SGCZ: variants seen among roughly 807,000 people sequenced by gnomAD.
SGCZ encodes the protein sarcoglycan zeta.
A neutral mutation model predicts 41.3 loss-of-function variants in SGCZ; 40 were observed. The observed-to-expected ratio is 0.97, with a 90% CI of 0.75 to 1.26. The LOEUF (loss-of-function observed/expected upper bound fraction) is 1.26. SGCZ is among the 50% of genes most tolerant of loss of function. SGCZ has a pLI of 0.00. For synonymous variants in SGCZ, 206 were observed against 137.5 expected, an observed-to-expected ratio of 1.50 and a Z score of -3.49; for missense variants, 552 against 369.8, an observed-to-expected ratio of 1.49 and a Z score of -4.04.
At chr8:14,586,558 CATTTTTAATTAAAAA>C (rs1805064538) in intron 1 of SGCZ, among the ~76,000 whole-genome samples, 1 of 152,048 alleles carries the variant, frequency 6.6e-6, no homozygotes, top group Non-Finnish European at 1.5e-5. Context: ...TCATTTTAAG[CATTTTTAATTAAAAA>C]ACAAATGAAA....
At chr8:15,151,033 TTCTA>T (rs1193704851) in intron 1 of SGCZ, among the ~76,000 whole-genome samples, 1 of 152,160 alleles carries the variant, frequency 6.6e-6, no homozygotes, top group Non-Finnish European at 1.5e-5. Context: ...CTATCTTACG[TTCTA>T]TCTCTTTCTC....
At position 15,037,131 on chromosome 8, in the gene SGCZ, T is replaced by C. The variant is rs149091405; in HGVS notation, c.39+200454A>G. ...GCTATATATGATGATGGGGTTTGGC[T>C]GTGTCCCCACACAAATCTCATCATG... is the stretch of plus-strand genomic sequence containing the variant. On this transcript the variant is annotated intron_variant, in intron 1 of 7. Transcript: ENST00000382080. Among the ~76,000 whole-genome samples, 4 of 152,288 alleles carry C rather than the reference T, an allele frequency of 2.6e-5. No individual in the cohort carries two copies. The East Asian group carries it at 7.7e-4, about 29-fold the overall frequency.
chr8:15,040,859 T>C (rs2083379048), intron 1 of SGCZ, among the ~76,000 whole-genome samples: 1 of 152,144 alleles, frequency 6.6e-6, no homozygotes, highest in Non-Finnish European at 1.5e-5. Flanking sequence ...GATGTACTGA[T>C]AAAACTGTGG....
chr8:14,932,398 C>CT (rs1351955699), intron 1 of SGCZ, among the ~76,000 whole-genome samples: 1 of 151,984 alleles, frequency 6.6e-6, no homozygotes, highest in African/African-American at 2.4e-5. Context: ...CAAAATGTCT[C>CT]TTTCATCATG....
intron 1 of SGCZ, among the ~76,000 whole-genome samples, chr8:15,093,742 G>A (rs567972480): frequency 5.9e-5 from 9 of 152,200 alleles, no homozygotes; most frequent in African/African-American, 2.2e-4. Flanking sequence ...GATTTATGAC[G>A]ATTTGACGAG....
intron 1 of SGCZ, among the ~76,000 whole-genome samples, chr8:15,217,603 A>C (rs1378832903): frequency 6.6e-6 from 1 of 152,170 alleles, no homozygotes; most frequent in Non-Finnish European, 1.5e-5. Context: ...TGCATACTTA[A>C]AAACGTGGAA....
chr8:14,960,458 A>T (rs1800927912), intron 1 of SGCZ, among the ~76,000 whole-genome samples: 2 of 152,054 alleles, frequency 1.3e-5, no homozygotes, highest in Non-Finnish European at 2.9e-5. Flanking sequence ...TGCCAGTCAG[A>T]TTTTCATAGG....
chr8:14,611,149 T>C (rs1441769760), intron 1 of SGCZ, among the ~76,000 whole-genome samples: 1 of 152,174 alleles, frequency 6.6e-6, no homozygotes, highest in Non-Finnish European at 1.5e-5. Flanking sequence ...TGAATATATT[T>C]CTCATTTTAC....
intron 2 of SGCZ, among the ~76,000 whole-genome samples, chr8:14,492,845 C>A (rs1801880129): frequency 6.6e-6 from 1 of 152,176 alleles, no homozygotes; most frequent in African/African-American, 2.4e-5. Context: ...CCTCTACCTA[C>A]ACCTGACATC....
chr8:14,870,449 G>C (rs979212689), intron 1 of SGCZ, among the ~76,000 whole-genome samples: 2 of 152,008 alleles, frequency 1.3e-5, no homozygotes, highest in African/African-American at 2.4e-5. Context: ...GTAAGATTAA[G>C]GACTTAAACA....
chr8:14,836,986 A>G (rs1436592667), intron 1 of SGCZ, among the ~76,000 whole-genome samples: 2 of 152,184 alleles, frequency 1.3e-5, no homozygotes, highest in Non-Finnish European at 2.9e-5. Context: ...ACCTTTTCAT[A>G]TATACTCAAA....
At chr8:14,131,178 T>C (rs919115180) in intron 5 of SGCZ, among the ~76,000 whole-genome samples, 2 of 152,130 alleles carry the variant, frequency 1.3e-5, no homozygotes, top group Non-Finnish European at 1.5e-5. Context: ...GAATCTCTAG[T>C]ATTAACCCAG....
chr8:14,929,252 A>G (rs571022611), intron 1 of SGCZ, among the ~76,000 whole-genome samples: 6 of 152,242 alleles, frequency 3.9e-5, no homozygotes, highest in East Asian at 3.9e-4. Flanking sequence ...CGGCCTCCCA[A>G]AGTACTGGGA....
At chr8:15,009,844 TTAA>T in intron 1 of SGCZ, among the ~76,000 whole-genome samples, 1 of 152,330 alleles carries the variant, frequency 6.6e-6, no homozygotes, top group East Asian at 1.9e-4. Flanking sequence ...TAAAATAATT[TTAA>T]TAATGTGTCA....
At chr8:14,208,322 T>C (rs936897005) in intron 4 of SGCZ, among the ~76,000 whole-genome samples, 13 of 152,206 alleles carry the variant, frequency 8.5e-5, no homozygotes, top group Admixed American at 2.6e-4. Context: ...ATTAATTGCA[T>C]TGATTTGAAG....
chr8:14,286,500 A>C (rs970510908), intron 3 of SGCZ, among the ~76,000 whole-genome samples: 1 of 152,154 alleles, frequency 6.6e-6, no homozygotes, highest in African/African-American at 2.4e-5. Context: ...AAGCGTGTTG[A>C]AGAGTGTTCT....
At chr8:14,215,574 GA>G (rs1554480162) in intron 4 of SGCZ, among the ~76,000 whole-genome samples, 1 of 151,664 alleles carries the variant, frequency 6.6e-6, no homozygotes, top group Non-Finnish European at 1.5e-5. Flanking sequence ...CTAATTGTTT[GA>G]AAAAAATTTA....
intron 2 of SGCZ, among the ~76,000 whole-genome samples, chr8:14,453,449 G>A (rs758235704): frequency 2.4e-4 from 37 of 152,144 alleles, no homozygotes; most frequent in Middle Eastern, 3.4e-3. Context: ...TCTTGTTTGG[G>A]TACTAAGTGT....
chr8:15,215,452 T>G (rs1266404831), intron 1 of SGCZ, among the ~76,000 whole-genome samples: 1 of 152,180 alleles, frequency 6.6e-6, no homozygotes, highest in Non-Finnish European at 1.5e-5. Flanking sequence ...CGGGGAAGTC[T>G]CAATTTTAGA....
Sources: gnomAD v4.1 joint callset for allele counts (sites outside exome capture counted in the v4.1 genomes callset) on GRCh38, gnomAD v4.1.1 for gene constraint, MANE v1.5 for transcripts, NCBI Gene and HGNC (gene_info 2026-07-23, HGNC 2026-07-21) for gene names.